FGF14: variants seen among roughly 807,000 people sequenced by gnomAD.
FGF14 encodes fibroblast growth factor 14, also known as fibroblast growth factor homologous factor 4.
Under a neutral mutation model 25.5 loss-of-function variants are expected in FGF14, and 5 were observed. The ratio of observed to expected loss-of-function variants is 0.20; its 90% CI spans 0.10 to 0.41. The LOEUF is 0.41. Ranked by LOEUF, FGF14 falls within the 10% of genes least tolerant of loss-of-function variation. The pLI is 1.00. For missense variants in FGF14, 222 were observed against 320.1 expected, an observed-to-expected ratio of 0.69 and a Z score of 2.34; for synonymous variants, 138 against 118.3, an observed-to-expected ratio of 1.17 and a Z score of -1.08.
intron 1 of FGF14, chr13:102,300,071 C>T (rs1449698949): frequency 6.6e-6 from 1 of 152,138 alleles, no homozygotes; most frequent in Non-Finnish European, 1.5e-5. Flanking sequence ...TTAAAATACA[C>T]TTCTAGTTTC....
intron 1 of FGF14, among the ~76,000 whole-genome samples, chr13:102,381,710 TATAGTA>T (rs2058187529): frequency 6.6e-6 from 1 of 152,226 alleles, no homozygotes; most frequent in Non-Finnish European, 1.5e-5. Flanking sequence ...TAAGTAAAGC[TATAGTA>T]AAAGTAGGCA....
At chr13:102,296,965 C>T (rs1282444856) in intron 1 of FGF14, among the ~76,000 whole-genome samples, 1 of 152,070 alleles carries the variant, frequency 6.6e-6, no homozygotes, top group Non-Finnish European at 1.5e-5. Flanking sequence ...AGTTATCTTA[C>T]CCATGATCTA....
intron 3 of FGF14, among the ~76,000 whole-genome samples, chr13:101,824,317 T>G (rs779321971): frequency 6.6e-6 from 1 of 152,214 alleles, no homozygotes; most frequent in Non-Finnish European, 1.5e-5. Flanking sequence ...TGGGCTTATA[T>G]TTACTTTGTG....
chr13:102,162,857 C>T, intron 1 of FGF14, among the ~76,000 whole-genome samples: 1 of 152,066 alleles, frequency 6.6e-6, no homozygotes, highest in East Asian at 1.9e-4. Flanking sequence ...TGGGAGGATA[C>T]TAGAAGTCTG....
intron 1 of FGF14, among the ~76,000 whole-genome samples, chr13:102,344,684 C>A (rs762556288): frequency 6.6e-6 from 1 of 152,206 alleles, no homozygotes; most frequent in African/African-American, 2.4e-5. Flanking sequence ...CATAAGAGAT[C>A]ATTGCCCTCT....
At position 101,945,853 on chromosome 13, in the gene FGF14, C is replaced by T. The variant is rs559733494; in HGVS notation, c.209-70557G>A. On this transcript the variant is annotated intron_variant, in intron 1 of 4. Transcript: ENST00000376131. ...CCACGGAGCATTATGGCACTGTTGC[C>T]CTCCATGGTGGCATGGGCAAGATGA... 5.3e-5 allele frequency among the ~76,000 whole-genome samples: 8 copies of T among 152,270 alleles called. No individual in the cohort carries two copies. The South Asian group carries it at 1.7e-3, about 32-fold the overall frequency.
intron 1 of FGF14, among the ~76,000 whole-genome samples, chr13:102,275,753 A>G (rs1370274396): frequency 6.6e-6 from 1 of 152,174 alleles, no homozygotes; most frequent in African/African-American, 2.4e-5. Flanking sequence ...ACTTCTTTCC[A>G]ATTGTCACCT....
At chr13:101,755,394 T>C (rs2037579020) in intron 3 of FGF14, among the ~76,000 whole-genome samples, 1 of 88,118 alleles carries the variant, frequency 1.1e-5, no homozygotes, top group East Asian at 5.9e-4. Flanking sequence ...ATCCCAGCAC[T>C]TTGGGAGGCT....
intron 1 of FGF14, among the ~76,000 whole-genome samples, chr13:102,380,436 A>T (rs1042364550): frequency 2.6e-5 from 4 of 152,092 alleles, no homozygotes; most frequent in African/African-American, 7.2e-5. Context: ...TATCTAGTTA[A>T]CTCCCAGTTT....
intron 1 of FGF14, among the ~76,000 whole-genome samples, chr13:101,896,754 T>A (rs893512097): frequency 5.0e-4 from 76 of 152,290 alleles, no homozygotes; most frequent in African/African-American, 1.8e-3. Context: ...TTATCTACAA[T>A]GATGCAATGC....
At chr13:102,278,625 G>GT (rs2053661958) in intron 1 of FGF14, among the ~76,000 whole-genome samples, 3 of 100,608 alleles carry the variant, frequency 3.0e-5, no homozygotes, top group East Asian at 3.7e-4. Flanking sequence ...TACATTTTAT[G>GT]TAATATATAT....
At chr13:102,276,997 A>G (rs1461369665) in intron 1 of FGF14, among the ~76,000 whole-genome samples, 1 of 152,234 alleles carries the variant, frequency 6.6e-6, no homozygotes, top group Non-Finnish European at 1.5e-5. Flanking sequence ...ATGTCAACCT[A>G]CAAAGATGAT....
chr13:102,085,640 T>A (rs2043860603), intron 1 of FGF14, among the ~76,000 whole-genome samples: 2 of 152,254 alleles, frequency 1.3e-5, no homozygotes, highest in African/African-American at 4.8e-5. Flanking sequence ...CAATGTATTA[T>A]CCTGGGGAGT....
At chr13:101,893,720 C>T (rs187494185) in intron 1 of FGF14, among the ~76,000 whole-genome samples, 1 of 152,154 alleles carries the variant, frequency 6.6e-6, no homozygotes, top group African/African-American at 2.4e-5. Context: ...GAAATGGATT[C>T]TTTTCTACAG....
intron 3 of FGF14, among the ~76,000 whole-genome samples, chr13:101,728,407 T>G (rs1464287394): frequency 6.6e-6 from 1 of 152,156 alleles, no homozygotes; most frequent in African/African-American, 2.4e-5. Flanking sequence ...GGCTTTCTAC[T>G]GAGTTCTGCA....
intron 1 of FGF14, among the ~76,000 whole-genome samples, chr13:102,380,189 G>A (rs2058148975): frequency 6.6e-6 from 1 of 152,080 alleles, no homozygotes; most frequent in South Asian, 2.1e-4. Flanking sequence ...CCATGGAACT[G>A]ACATTACATG....
chr13:101,940,738 AT>A (rs2035395836), intron 1 of FGF14, among the ~76,000 whole-genome samples: 1 of 152,188 alleles, frequency 6.6e-6, no homozygotes, highest in African/African-American at 2.4e-5. Context: ...TATACATTTG[AT>A]GATCAGTCTT....
At chr13:101,967,495 A>G (rs370597928) in intron 1 of FGF14, 7 of 152,238 alleles carry the variant, frequency 4.6e-5, no homozygotes, top group African/African-American at 1.7e-4. Context: ...GCTGTGTGGG[A>G]GGAACCTCTA....
chr13:101,949,335 A>T (rs9585821), intron 1 of FGF14, among the ~76,000 whole-genome samples: 2 of 151,942 alleles, frequency 1.3e-5, no homozygotes, highest in African/African-American at 4.8e-5. Context: ...ATGGTGACAC[A>T]GTTCTGATGA....
Sources: gnomAD v4.1 joint callset for allele counts (sites outside exome capture counted in the v4.1 genomes callset) on GRCh38, gnomAD v4.1.1 for gene constraint, MANE v1.5 for transcripts, NCBI Gene and HGNC (gene_info 2026-07-23, HGNC 2026-07-21) for gene names.